Variants in ECM1 observed in about 807,000 individuals in gnomAD.
The protein encoded by ECM1 is secretory component p85.
In ECM1, 54 loss-of-function variants were observed where a neutral mutation model predicts 57.9. The ratio of observed to expected loss-of-function variants is 0.93; its 90% confidence interval spans 0.75 to 1.17. The LOEUF (loss-of-function observed/expected upper bound fraction) is 1.17. ECM1 is among the 50% of genes most tolerant of loss of function. ECM1 has a pLI of 0.00. For synonymous variants in ECM1, 237 were observed against 259.1 expected (o/e 0.91, Z 0.82); for missense variants, 649 against 688.1 (o/e 0.94, Z 0.64).
intron 5 of ECM1, 160 bp from the exon 6 acceptor site, chr1:150,510,716 G>C (rs749080950): frequency 5.1e-6 from 4 of 787,218 alleles, no homozygotes; most frequent in African/African-American, 3.4e-5. Context: ...TTTCCTTTCA[G>C]TTATTTTAAA....
At chr1:150,510,072 C>T (rs1373007565) in intron 4 of ECM1, 30 bp from the exon 5 acceptor site, 26 of 1,613,684 alleles carry the variant, frequency 1.6e-5, no homozygotes, top group Non-Finnish European at 1.9e-5. Context: ...CTGATCCCTG[C>T]TCCTTGGTGC....
At position 150,511,845 on chromosome 1, in the gene ECM1, C is replaced by G. The variant is rs759308927; in HGVS notation, c.1083+14C>G. Reference sequence around the variant, plus strand: ...ACATGGAAGGCCGTAAGTGGGCGTCCCAGCCTCCCTGAGAGCCTGTTTGCC... The same window carrying G: ...ACATGGAAGGCCGTAAGTGGGCGTCGCAGCCTCCCTGAGAGCCTGTTTGCC... On this transcript the variant is annotated intron_variant, in intron 7 of 9. Coordinates refer to ENST00000369047, the MANE Select transcript of ECM1 (RefSeq NM_004425.4). The G allele has an allele frequency of 1.9e-5, 30 of 1,590,918 alleles. No individual in the cohort carries two copies. The highest frequency in any genetic ancestry group is 2.6e-5 in the Non-Finnish European group (30 of 1,167,302).
chr1:150,510,100 A>C lies in ECM1; in HGVS notation c.305-2A>C, dbSNP rs746030098. ...CTTGGTGCCCTCACCCCTATCTTGC[A>C]GTGGGTCCCCCTCTCCCTCAGGAAG... On this transcript the variant is annotated splice_acceptor_variant, in intron 4 of 9. Transcript: ENST00000369047. LOFTEE classifies it high-confidence loss of function. 1.9e-6 allele frequency: 3 copies of C among 1,614,022 alleles called. No individual in the cohort carries two copies. The highest frequency in any genetic ancestry group is 2.5e-6 in the Non-Finnish European group (3 of 1,179,900).
chr1:150,512,315 G>C, intron 7 of ECM1, 37 bp from the exon 8 acceptor site: 1 of 1,606,316 alleles, frequency 6.2e-7, no homozygotes, highest in East Asian at 2.2e-5. Flanking sequence ...AAGGGGCCAA[G>C]TGTCCAGCTT....
chr1:150,511,806 A>G lies in ECM1; in HGVS notation c.1058A>G (p.Asn353Ser). Residue 353 changes from asparagine (N) to serine (S), a missense_variant, in exon 7 of 10, where the codon AAC (asparagine) becomes AGC (serine). Coordinates refer to ENST00000369047, the MANE Select transcript of ECM1 (RefSeq NM_004425.4). ...REFQRCCRQG[N>S]NHTCTWKAWE... is the part of the protein sequence containing the mutation. ...TTCCAGCGCTGCTGCCGCCAGGGGA[A>G]CAATCACACCTGTACATGGAAGGCC... The G allele has an allele frequency of 6.2e-7, 1 of 1,612,260 alleles. No individual in the cohort carries two copies. The highest frequency in any genetic ancestry group is 1.7e-4 in the Middle Eastern group (1 of 6,048).
rs79387366 is a variant in ECM1, at chr1:150,512,658, C to T, written c.1305-67C>T. 1.4e-4 allele frequency: 231 copies of T among 1,610,382 alleles called. No homozygotes were observed. The African/African-American group carries it at 2.7e-3, about 19-fold the overall frequency. On this transcript the variant is annotated intron_variant, in intron 8 of 9. Coordinates refer to ENST00000369047, the MANE Select transcript of ECM1 (RefSeq NM_004425.4). ...TTTGGGAAAAGCAAAATCATGATAT[C>T]CCAACCCCATCTGATGCCAGAAGAT...
At chr1:150,512,598 C>G in intron 8 of ECM1, 26 bp downstream of exon 8, 1 of 1,613,664 alleles carries the variant, frequency 6.2e-7, no homozygotes, top group South Asian at 1.1e-5. Context: ...CTTCCCCACT[C>G]TCTTCCTTTC....
intron 5 of ECM1, chr1:150,510,617 TG>T (rs904357172): frequency 2.5e-5 from 15 of 591,908 alleles, no homozygotes; most frequent in African/African-American, 2.2e-4. Context: ...CTCAGGACCC[TG>T]GGGAGAGGAG....
Position 150,509,529 on chromosome 1 carries a change from AGGCTTCAC to A in ECM1, c.74_81del (p.Phe25TyrfsTer34). ...CCCCTGACTTGCCCTTCTTCCCTCC[AGGCTTCAC>A]GGCTACAGGACAGAGGCAGCTGAGG... On this transcript the variant is annotated splice_acceptor_variant and coding_sequence_variant, in exon 2 of 10. Transcript: ENST00000369047. LOFTEE classifies it high-confidence loss of function. 1 of 1,614,046 alleles carries A rather than the reference AGGCTTCAC, an allele frequency of 6.2e-7. No individual in the cohort carries two copies. The highest frequency in any genetic ancestry group is 8.5e-7 in the Non-Finnish European group (1 of 1,180,018).
rs1428274748 is a variant in ECM1 at position 150,508,185 on chromosome 1, G to A, written c.-25G>A. 6 of 1,612,116 alleles carry A rather than the reference G, an allele frequency of 3.7e-6. No homozygotes were observed. The highest frequency in any genetic ancestry group is 4.2e-6 in the Non-Finnish European group (5 of 1,178,262). On this transcript the variant is annotated 5_prime_UTR_variant, in exon 1 of 10. It adds an upstream start codon to the 5' untranslated region. Transcript: ENST00000369047. ...CTTGCCTGAGAGGACCCACCTCTGA[G>A]TGTCCAGTGGTCAGTTGCCCCAGGA...
At chr1:150,512,853 G>C (rs764204152) in intron 9 of ECM1, 41 bp downstream of exon 9, 11 of 1,603,760 alleles carry the variant, frequency 6.9e-6, no homozygotes, top group Non-Finnish European at 9.4e-6. Flanking sequence ...ATGCAGGGGA[G>C]GGGAGGGAAA....
At position 150,512,379 on chromosome 1, in the gene ECM1, G is replaced by T; in HGVS notation, c.1111G>T (p.Asp371Tyr). The T allele has an allele frequency of 6.2e-7, 1 of 1,613,012 alleles. No individual in the cohort carries two copies. The highest frequency in any genetic ancestry group is 1.1e-5 in the South Asian group (1 of 90,978). ...AWEDTLDKYC[D>Y]REYAVKTHHH... ...GGAGGATACCCTTGACAAATACTGT[G>T]ACCGGGAGTATGCTGTGAAGACCCA... Residue 371 changes from aspartate to tyrosine, a missense_variant, in exon 8 of 10, where the codon GAC becomes TAC. Transcript: ENST00000369047.
intron 1 of ECM1, chr1:150,509,288 A>C: frequency 1.7e-6 from 1 of 594,412 alleles, no homozygotes; most frequent in Non-Finnish European, 3.0e-6. Context: ...TTTAGGCCCA[A>C]CCTCTGAGCC....
intron 5 of ECM1, chr1:150,510,394 C>T (rs897145537): frequency 3.3e-6 from 2 of 612,366 alleles, no homozygotes; most frequent in Non-Finnish European, 5.8e-6. Context: ...GCAAAAATAG[C>T]ATCTATTTTC....
Position 150,512,576 on chromosome 1 carries a change from A to G in ECM1, c.1304+4A>G. 6.2e-7 allele frequency: 1 copy of G among 1,612,552 alleles called. No homozygotes were observed. The highest frequency in any genetic ancestry group is 8.5e-7 in the Non-Finnish European group (1 of 1,179,964). ...ACCAAAGAGTTCTCACCAAGCAGTAAGTTGCCTAGTCCTTCCCCACTCTCT... is the reference window on the plus strand; with the variant it reads ...ACCAAAGAGTTCTCACCAAGCAGTAGGTTGCCTAGTCCTTCCCCACTCTCT... On this transcript the variant is annotated splice_donor_region_variant and intron_variant, in intron 8 of 9. Transcript: ENST00000369047.
At position 150,512,349 on chromosome 1, in the gene ECM1, C is replaced by T; in HGVS notation, c.1084-3C>T. On this transcript the variant is annotated splice_region_variant and splice_polypyrimidine_tract_variant and intron_variant, in intron 7 of 9. Transcript: ENST00000369047. Reference sequence around the variant, plus strand: ...TTCTGACTTCCCTCTCTCTGGTCCACAGTGGGAGGATACCCTTGACAAATA... The same window carrying T: ...TTCTGACTTCCCTCTCTCTGGTCCATAGTGGGAGGATACCCTTGACAAATA... The T allele has an allele frequency of 6.2e-7, 1 of 1,612,954 alleles. No homozygotes were observed. Among genetic ancestry groups the T allele is most frequent in the Non-Finnish European group, 8.5e-7 (1 of 1,179,836 alleles).
rs1670480194 is a variant in ECM1, at chr1:150,512,803, AGAG to A, written c.1391_1392+1del. The A allele has an allele frequency of 4.3e-6, 7 of 1,614,150 alleles. No homozygotes were observed. Among genetic ancestry groups the A allele is most frequent in the Non-Finnish European group, 5.9e-6 (7 of 1,180,034 alleles). ...CATTTCCAGAACAGGCCTGCTGTGCAGAGGAGGAGGTGAGTGTGTGGAGTCTAG... is the reference window on the plus strand; with the variant it reads ...CATTTCCAGAACAGGCCTGCTGTGCAGAGGAGGTGAGTGTGTGGAGTCTAG... On this transcript the variant is annotated inframe_deletion, in exon 9 of 10. Coordinates refer to ENST00000369047, the MANE Select transcript of ECM1 (RefSeq NM_004425.4).
Position 150,512,316 on chromosome 1 carries a change from T to A in ECM1, c.1084-36T>A, listed in dbSNP as rs180697076. On this transcript the variant is annotated intron_variant, in intron 7 of 9. Transcript: ENST00000369047. ...GATGGTCAGGAGAGAAGGGGCCAAG[T>A]GTCCAGCTTCTGACTTCCCTCTCTC... The A allele has an allele frequency of 1.8e-4, 287 of 1,605,886 alleles. No homozygotes were observed. The African/African-American group carries it at 3.4e-3, about 19-fold the overall frequency.
intron 7 of ECM1, among the ~76,000 whole-genome samples, chr1:150,512,084 A>C (rs587605403): frequency 2.6e-5 from 4 of 151,260 alleles, no homozygotes; most frequent in Non-Finnish European, 4.4e-5. Flanking sequence ...CCATCCGTCC[A>C]GCTCTGGCCT....
Sources: gnomAD v4.1 joint callset for allele counts (sites outside exome capture counted in the v4.1 genomes callset) on GRCh38, gnomAD v4.1.1 for gene constraint, MANE v1.5 for transcripts, NCBI Gene and HGNC (gene_info 2026-07-23, HGNC 2026-07-21) for gene names.